CMPK2: variants seen among roughly 807,000 people sequenced by gnomAD.
CMPK2 encodes the protein cytidine/uridine monophosphate kinase 2.
In CMPK2, 32 loss-of-function variants were observed where a neutral mutation model predicts 33.4. The ratio of observed to expected loss-of-function variants is 0.96; its 90% CI spans 0.72 to 1.29. CMPK2 has a LOEUF of 1.29. CMPK2 is among the 50% of genes most tolerant of loss of function. The probability of loss-of-function intolerance (pLI) is 0.00; values close to 1 mark genes in which losing one functional copy is unlikely to be tolerated. For missense variants in CMPK2, 672 were observed against 616.0 expected (o/e 1.09, Z -0.96); for synonymous variants, 299 against 275.3 (o/e 1.09, Z -0.85).
chr2:6,858,886 T>C (rs1662793282), intron 3 of CMPK2, among the ~76,000 whole-genome samples: 1 of 152,116 alleles, frequency 6.6e-6, no homozygotes, highest in Non-Finnish European at 1.5e-5. Flanking sequence ...TAGACAGAGG[T>C]TGAAGCAGTC....
chr2:6,843,688 C>G (rs528247737), downstream of CMPK2, among the ~76,000 whole-genome samples: 2 of 152,278 alleles, frequency 1.3e-5, no homozygotes, highest in Admixed American at 1.3e-4. Context: ...TAGTAAAAGA[C>G]TGGGATGCTC....
chr2:6,862,118 A>G (rs1662899455), intron 2 of CMPK2: 1 of 152,184 alleles, frequency 6.6e-6, no homozygotes, highest in African/African-American at 2.4e-5. Context: ...GTTTCGATTT[A>G]TTTTTAAGTT....
chr2:6,865,917 A>C, upstream of CMPK2: 2 of 1,392,624 alleles, frequency 1.4e-6, no homozygotes, highest in Non-Finnish European at 9.4e-7. Flanking sequence ...TGCGCGATAA[A>C]CGGCCGGCGC....
intron 3 of CMPK2, among the ~76,000 whole-genome samples, chr2:6,853,950 C>A (rs1662607462): frequency 6.6e-6 from 1 of 152,036 alleles, no homozygotes; most frequent in Admixed American, 6.6e-5. Flanking sequence ...TCAACACCAT[C>A]CATCCTTCAA....
intron 3 of CMPK2, among the ~76,000 whole-genome samples, chr2:6,854,847 G>A (rs1662636779): frequency 6.6e-6 from 1 of 152,036 alleles, no homozygotes; most frequent in African/African-American, 2.4e-5. Flanking sequence ...GGCAGGGAAG[G>A]GGGCATGAGT....
At chr2:6,863,625 G>T (rs1282091995) in intron 1 of CMPK2, 47 bp from the exon 2 acceptor site, 4 of 1,422,562 alleles carry the variant, frequency 2.8e-6, no homozygotes, top group Non-Finnish European at 4.0e-6. Flanking sequence ...GGGGGCTTTT[G>T]CAGAAATCAC....
chr2:6,841,859 A>G lies in CMPK2; in HGVS notation c.993-1181T>C, dbSNP rs114173634. Among the ~76,000 whole-genome samples the G allele has an allele frequency of 9.5e-3, 1,441 of 152,228 alleles. 14 individuals are homozygous for G. Among genetic ancestry groups the G allele is most frequent in the Admixed American group, 0.014 (220 of 15,294 alleles). ...AACTGAGGACAACAATCTATTTCCT[A>G]ATGGTATTTAATAAAAGAGCCATTA... On this transcript the variant is annotated intron_variant, in intron 3 of 3. Coordinates refer to the CMPK2 transcript ENST00000458098.
chr2:6,861,080 A>G (rs1662860869), intron 3 of CMPK2, 104 bp downstream of exon 3: 2 of 970,772 alleles, frequency 2.1e-6, no homozygotes, highest in African/African-American at 3.4e-5. Flanking sequence ...TTCCTGGCAT[A>G]TACATGTACG....
At position 6,851,626 on chromosome 2, in the gene CMPK2, C is replaced by T. The variant is rs1219752947; in HGVS notation, c.1050G>A (p.Gln350=). ...CAGGGTGATGGGCTGGGGGCAGGTG[C>T]TGGAGACCCCCACTCACCTCAGTGG... ...AIATEVSGGL[Q]HLPPAHHPVY... Residue 350 remains glutamine, a synonymous_variant, in exon 4 of 5, where the codon CAG becomes CAA. Transcript: ENST00000256722. 8 of 1,614,150 alleles carry T rather than the reference C, an allele frequency of 5.0e-6. No individual in the cohort carries two copies. In the South Asian group the frequency reaches 7.7e-5, roughly 16 times the overall value.
In CMPK2 at chr2:6,849,787, T is replaced by C. The variant is rs1251957183; in HGVS notation, c.*63A>G. The C allele has an allele frequency of 6.2e-7, 1 of 1,603,902 alleles. No individual in the cohort carries two copies. The highest frequency in any genetic ancestry group is 1.3e-5 in the African/African-American group (1 of 74,510). ...AAATTTGGGAACACTGCATAACAAA[T>C]GGTGGATGTAGATGTTTCAAACAAC... On this transcript the variant is annotated 3_prime_UTR_variant, in exon 5 of 5. Transcript: ENST00000256722.
At chr2:6,847,863 C>A (rs971317999), downstream of CMPK2, among the ~76,000 whole-genome samples, 2 of 152,112 alleles carry the variant, frequency 1.3e-5, no homozygotes, top group African/African-American at 4.8e-5. Context: ...ATTATTGGCA[C>A]CCATGTACCA....
intron 3 of CMPK2, among the ~76,000 whole-genome samples, 199 bp from the exon 4 acceptor site, chr2:6,851,882 A>G (rs917875098): frequency 2.6e-5 from 4 of 152,250 alleles, no homozygotes; most frequent in African/African-American, 9.6e-5. Flanking sequence ...GACAACAGTA[A>G]TAATGCAGTG....
rs753971290 is a variant in CMPK2, at chr2:6,865,138, C to T, written c.559G>A (p.Val187Met). ...WEVQDGRRLQVGCAQVVPVPE... is the reference protein window; with the variant it reads ...WEVQDGRRLQMGCAQVVPVPE... ...ACGGGCACGACCTGTGCGCAGCCCA[C>T]CTGCAGCCGCCTGCCGTCTTGCACC... Residue 187 changes from valine to methionine, a missense_variant, in exon 1 of 5, where the codon GTG becomes ATG. Transcript: ENST00000256722. 1 of 1,525,166 alleles carries T rather than the reference C, an allele frequency of 6.6e-7. No individual in the cohort carries two copies. Among genetic ancestry groups the T allele is most frequent in the South Asian group, 1.2e-5 (1 of 81,614 alleles). The allele number at this position is 1,525,166 out of a possible 1,614,324, so 94.5% of individuals were successfully genotyped here. A position where few individuals can be genotyped will look rare whatever the true frequency, so the allele number is the denominator to read the frequency against.
chr2:6,845,733 T>C (rs539867126), downstream of CMPK2, among the ~76,000 whole-genome samples: 1 of 152,344 alleles, frequency 6.6e-6, no homozygotes, highest in Admixed American at 6.5e-5. Flanking sequence ...ATACCATCTG[T>C]GGCTTCCCTT....
chr2:6,865,223 G>C lies in CMPK2; in HGVS notation c.474C>G (p.Arg158=). The stretch of plus-strand genomic sequence containing the variant: ...CGGCCTCGAACTCGCCCAAGTGCGG[G>C]CGTGGTGCCTCCTGACAGGCGCCCA... The part of the protein sequence containing the change: ...ELLGACQEAP[R]PHLGEFEADP... Residue 158 remains arginine (R), a synonymous_variant, in exon 1 of 5, where the codon CGC becomes CGG. Transcript: ENST00000256722. 1.3e-6 allele frequency: 2 copies of C among 1,535,844 alleles called. No individual in the cohort carries two copies. The highest frequency in any genetic ancestry group is 1.2e-5 in the South Asian group (1 of 83,986).
chr2:6,850,601 C>G (rs936212667), intron 4 of CMPK2: 40 of 340,754 alleles, frequency 1.2e-4, no homozygotes, highest in Non-Finnish European at 1.6e-4. Context: ...CTCTTCTCCT[C>G]TCTGTGTCTC....
chr2:6,853,765 G>A lies in CMPK2; in HGVS notation c.993-2082C>T, dbSNP rs561042325. ...AATATACAAAAAATTAGCCGGGCGT[G>A]GTGGCGGGCACCTGTAGTCCCAGCT... On this transcript the variant is annotated intron_variant, in intron 3 of 4. Coordinates refer to ENST00000256722, the MANE Select transcript of CMPK2 (RefSeq NM_207315.4). 2.6e-5 allele frequency among the ~76,000 whole-genome samples: 4 copies of A among 152,202 alleles called. No homozygotes were observed. In the South Asian group the frequency reaches 6.2e-4, roughly 24 times the overall value.
downstream of CMPK2, among the ~76,000 whole-genome samples, chr2:6,846,103 T>G (rs1266168583): frequency 6.6e-6 from 1 of 152,194 alleles, no homozygotes; most frequent in Non-Finnish European, 1.5e-5. Flanking sequence ...TCCTTTCCAC[T>G]AGGTGGCATT....
chr2:6,844,227 T>A (rs1233614061), downstream of CMPK2, among the ~76,000 whole-genome samples: 1 of 152,186 alleles, frequency 6.6e-6, no homozygotes, highest in East Asian at 1.9e-4. Flanking sequence ...TCATATTTCC[T>A]CTTCTTCTCC....
Sources: allele counts gnomAD v4.1 joint callset (sites outside exome capture counted in the v4.1 genomes callset), GRCh38; gene constraint gnomAD v4.1.1; transcripts MANE v1.5; gene names NCBI Gene and HGNC (gene_info 2026-07-23, HGNC 2026-07-21).